The following DIS3L2 variants were observed in gnomAD, a reference collection of about 807,000 sequenced individuals.
The protein encoded by DIS3L2 is DIS3-like exonuclease 2.
Under a neutral mutation model 97.5 loss-of-function variants are expected in DIS3L2, and 34 were observed. The observed-to-expected ratio is 0.35, with a 90% CI of 0.27 to 0.46. The LOEUF is 0.46. DIS3L2 is among the 20% of genes least tolerant of loss of function. The pLI, the probability that DIS3L2 is intolerant of heterozygous loss-of-function variation, is 1.00. For synonymous variants in DIS3L2, 435 were observed against 445.2 expected (o/e 0.98, Z 0.29); for missense variants, 1,038 against 1,146.0 (o/e 0.91, Z 1.36).
chr2:232,341,187 A>G (rs1696093841), downstream of DIS3L2, among the ~76,000 whole-genome samples: 1 of 152,210 alleles, frequency 6.6e-6, no homozygotes, highest in East Asian at 1.9e-4. Flanking sequence ...AGAAGCCACA[A>G]AGAGGAAACC....
At chr2:231,964,114 C>T (rs1048859941) in intron 1 of DIS3L2, among the ~76,000 whole-genome samples, 10 of 152,144 alleles carry the variant, frequency 6.6e-5, no homozygotes, top group African/African-American at 2.4e-4. Flanking sequence ...TATCCCAGCA[C>T]CATTTATTGA....
chr2:232,175,028 T>C (rs1691112407), intron 9 of DIS3L2, among the ~76,000 whole-genome samples: 1 of 152,024 alleles, frequency 6.6e-6, no homozygotes, highest in South Asian at 2.1e-4. Flanking sequence ...AGGGTTTTGC[T>C]GTGTTGCCCG....
chr2:232,154,035 C>T (rs574478386), intron 8 of DIS3L2, among the ~76,000 whole-genome samples: 1 of 127,964 alleles, frequency 7.8e-6, no homozygotes, highest in Admixed American at 8.0e-5. Flanking sequence ...AGTTCTCGAG[C>T]CTTGGTTTTC....
At position 232,205,062 on chromosome 2, in the gene DIS3L2, A is replaced by G. The variant is rs11674525; in HGVS notation, c.1125-5264A>G. On this transcript the variant is annotated intron_variant, in intron 9 of 20. Coordinates refer to ENST00000325385, the MANE Select transcript of DIS3L2 (RefSeq NM_152383.5). ...TGAGAGCCCTCTGAGTTTTGCTGTC[A>G]AGAGGTTCGTTCTCTTAGTAGTCTA... is the stretch of plus-strand genomic sequence containing the variant. 5.4e-3 allele frequency among the ~76,000 whole-genome samples: 816 copies of G among 152,110 alleles called. 3 individuals carry two copies. Among genetic ancestry groups the G allele is most frequent in the African/African-American group, 9.2e-3 (382 of 41,478 alleles).
At chr2:232,036,250 T>C (rs1297830849) in intron 5 of DIS3L2, among the ~76,000 whole-genome samples, 4 of 152,184 alleles carry the variant, frequency 2.6e-5, no homozygotes, top group African/African-American at 9.6e-5. Flanking sequence ...CTTGTCTTCA[T>C]GCTTTATTTT....
chr2:232,157,868 G>A (rs761927621), intron 8 of DIS3L2, among the ~76,000 whole-genome samples: 5 of 152,208 alleles, frequency 3.3e-5, no homozygotes, highest in Admixed American at 6.5e-5. Context: ...AAGCACTGCA[G>A]CGATGGGGAC....
At chr2:232,223,622 C>T (rs1692563102) in intron 10 of DIS3L2, among the ~76,000 whole-genome samples, 2 of 152,152 alleles carry the variant, frequency 1.3e-5, no homozygotes, top group African/African-American at 4.8e-5. Flanking sequence ...GTCCGTATTC[C>T]AGAGGAGAGA....
intron 13 of DIS3L2, among the ~76,000 whole-genome samples, chr2:232,265,628 C>G (rs1450767802): frequency 2.0e-5 from 3 of 152,028 alleles, no homozygotes; most frequent in Non-Finnish European, 4.4e-5. Context: ...TCAGGGAAAC[C>G]GATCAAATAC....
At chr2:232,059,815 A>C (rs1695651612) in intron 5 of DIS3L2, among the ~76,000 whole-genome samples, 1 of 152,090 alleles carries the variant, frequency 6.6e-6, no homozygotes, top group African/African-American at 2.4e-5. Flanking sequence ...ACGTGATTTC[A>C]TTCTTTTTTA....
At chr2:232,136,762 A>G (rs1166633460) in intron 8 of DIS3L2, 43 bp downstream of exon 8, 4 of 1,602,358 alleles carry the variant, frequency 2.5e-6, no homozygotes, top group Non-Finnish European at 3.4e-6. Context: ...CACAGGCAGA[A>G]CTCAGTTTAG....
intron 14 of DIS3L2, among the ~76,000 whole-genome samples, chr2:232,315,360 G>A (rs1695243056): frequency 6.6e-6 from 1 of 152,240 alleles, no homozygotes; most frequent in South Asian, 2.1e-4. Flanking sequence ...TACTCTCAAG[G>A]AGGTTAGCCC....
At chr2:232,260,574 G>T (rs1217783084) in intron 12 of DIS3L2, 1 of 152,250 alleles carries the variant, frequency 6.6e-6, no homozygotes, top group Non-Finnish European at 1.5e-5. Flanking sequence ...TTGGATAGTG[G>T]TAGTTCTTGG....
intron 3 of DIS3L2, among the ~76,000 whole-genome samples, chr2:232,019,779 C>G (rs918358320): frequency 6.6e-6 from 1 of 151,772 alleles, no homozygotes; most frequent in Admixed American, 6.6e-5. Context: ...TACTCAGTGC[C>G]AAGCGTATAC....
intron 10 of DIS3L2, among the ~76,000 whole-genome samples, chr2:232,221,561 T>A (rs996262925): frequency 6.6e-6 from 1 of 152,208 alleles, no homozygotes; most frequent in African/African-American, 2.4e-5. Context: ...TCCAGCACTT[T>A]GGGAGACCAA....
In DIS3L2 at chr2:232,252,363, C is replaced by T. The variant is rs113155957; in HGVS notation, c.1425+3017C>T. Among the ~76,000 whole-genome samples, 1,460 of 152,128 alleles carry T rather than the reference C, an allele frequency of 9.6e-3. 40 individuals are homozygous for T. Among genetic ancestry groups the T allele is most frequent in the African/African-American group, 0.033 (1,370 of 41,494 alleles). On this transcript the variant is annotated intron_variant, in intron 12 of 20. Transcript: ENST00000325385. ...GGTGGAGGTTGCGGTGAGCTGAGATCGTGCCATTGCACTCCAGCTTGGGCA... is the reference window on the plus strand; with the variant it reads ...GGTGGAGGTTGCGGTGAGCTGAGATTGTGCCATTGCACTCCAGCTTGGGCA...
chr2:232,337,390 G>A (rs928458156), downstream of DIS3L2, among the ~76,000 whole-genome samples: 7 of 152,272 alleles, frequency 4.6e-5, no homozygotes, highest in African/African-American at 1.7e-4. Context: ...GTGAGTGGGT[G>A]CCCCGGCAGC....
intron 1 of DIS3L2, among the ~76,000 whole-genome samples, chr2:231,993,500 C>T (rs533684247): frequency 3.3e-5 from 5 of 152,146 alleles, no homozygotes; most frequent in Non-Finnish European, 7.3e-5. Context: ...AAGTGTGAGC[C>T]ACCGCGCCTG....
rs181154378 is a variant in DIS3L2 at position 231,996,895 on chromosome 2, A to G, written c.-93-17940A>G. ...GAAGGCTCTAGTCTGTGACCTCCAC[A>G]TGGTGGCCTTAGTGACAGTATTATT... On this transcript the variant is annotated intron_variant, in intron 1 of 20. Coordinates refer to ENST00000325385, the MANE Select transcript of DIS3L2 (RefSeq NM_152383.5). Among the ~76,000 whole-genome samples, 326 of 152,332 alleles carry G rather than the reference A, an allele frequency of 2.1e-3. 2 individuals are homozygous for G. The highest frequency in any genetic ancestry group is 7.5e-3 in the African/African-American group (313 of 41,570).
chr2:232,096,104 T>A (rs1425544192), intron 6 of DIS3L2, among the ~76,000 whole-genome samples: 1 of 151,712 alleles, frequency 6.6e-6, no homozygotes, highest in African/African-American at 2.4e-5. Flanking sequence ...TTTTTTCTTT[T>A]GAGACAGAGT....
Sources: allele counts gnomAD v4.1 joint callset (sites outside exome capture counted in the v4.1 genomes callset), GRCh38; gene constraint gnomAD v4.1.1; transcripts MANE v1.5; gene names NCBI Gene and HGNC (gene_info 2026-07-23, HGNC 2026-07-21).